SLC24A4: variants seen among roughly 807,000 people sequenced by gnomAD.
SLC24A4 encodes the protein solute carrier family 24 member 4, also known as sodium/potassium/calcium exchanger 4.
SLC24A4 carries 53 observed loss-of-function variants against 79.0 expected under a neutral mutation model. The observed-to-expected ratio is 0.67, with a 90% CI of 0.54 to 0.84. The LOEUF (loss-of-function observed/expected upper bound fraction) is 0.84, where lower values mean the gene tolerates loss of function less well. Among genes scored for constraint, SLC24A4 ranks in the 40% least tolerant of loss-of-function variants. The pLI, the probability that SLC24A4 is intolerant of heterozygous loss-of-function variation, is 0.00. For synonymous variants in SLC24A4, 323 were observed against 323.8 expected (o/e 1.00, Z 0.03); for missense variants, 731 against 822.0 (o/e 0.89, Z 1.35).
At chr14:92,386,031 G>C (rs1223765057) in intron 2 of SLC24A4, among the ~76,000 whole-genome samples, 1 of 152,218 alleles carries the variant, frequency 6.6e-6, no homozygotes, top group Non-Finnish European at 1.5e-5. Flanking sequence ...CTGGCAGGGA[G>C]CTGGGTCCTG....
chr14:92,370,669 C>A (rs1446683313), intron 2 of SLC24A4, among the ~76,000 whole-genome samples: 1 of 152,032 alleles, frequency 6.6e-6, no homozygotes, highest in Non-Finnish European at 1.5e-5. Context: ...AAAGAGAAGA[C>A]AGGAAAAACT....
intron 2 of SLC24A4, among the ~76,000 whole-genome samples, chr14:92,385,027 T>C (rs1889070999): frequency 6.6e-6 from 1 of 152,184 alleles, no homozygotes; most frequent in Non-Finnish European, 1.5e-5. Flanking sequence ...GAGGAATAAA[T>C]TGGGCAACAT....
chr14:92,468,620 A>C (rs1479581912), intron 12 of SLC24A4, among the ~76,000 whole-genome samples: 5 of 152,266 alleles, frequency 3.3e-5, no homozygotes, highest in African/African-American at 1.2e-4. Flanking sequence ...CAGGCCAATT[A>C]GCTTTTGACA....
At chr14:92,338,476 A>G (rs577672976) in intron 2 of SLC24A4, among the ~76,000 whole-genome samples, 4 of 152,214 alleles carry the variant, frequency 2.6e-5, no homozygotes, top group Non-Finnish European at 5.9e-5. Context: ...TGGTGAAAGC[A>G]TGGTGCTTGG....
chr14:92,483,132 G>A (rs993725012), intron 13 of SLC24A4, among the ~76,000 whole-genome samples: 8 of 152,184 alleles, frequency 5.3e-5, no homozygotes, highest in Non-Finnish European at 1.0e-4. Flanking sequence ...TACAGGCAGA[G>A]CAATATGACA....
intron 2 of SLC24A4, among the ~76,000 whole-genome samples, chr14:92,392,787 C>T (rs1456070672): frequency 6.9e-6 from 1 of 145,954 alleles, no homozygotes; most frequent in Admixed American, 6.7e-5. Flanking sequence ...GCCTCTTCCA[C>T]TGTGTGAGGT....
chr14:92,353,112 T>C lies in SLC24A4; in HGVS notation c.241+27134T>C, dbSNP rs960218572. Among the ~76,000 whole-genome samples the C allele has an allele frequency of 3.3e-5, 5 of 152,310 alleles. No homozygotes were observed. Among genetic ancestry groups the C allele is most frequent in the African/African-American group, 9.6e-5 (4 of 41,572 alleles). ...TCCCACAGCTGCCCAAACCCCCTCC[T>C]CAAAGGCAACCCTTTAGCAGTTTGT... On this transcript the variant is annotated intron_variant, in intron 2 of 16. Coordinates refer to ENST00000532405, the MANE Select transcript of SLC24A4 (RefSeq NM_153646.4). The surrounding 1 kb of genome is among the most constrained non-coding windows in gnomAD (Gnocchi z 4.1).
At chr14:92,412,619 T>C (rs993487204) in intron 2 of SLC24A4, among the ~76,000 whole-genome samples, 12 of 152,050 alleles carry the variant, frequency 7.9e-5, no homozygotes, top group African/African-American at 2.7e-4. Context: ...CTCATCCCCC[T>C]CGCTGGAGAC....
At chr14:92,373,211 C>CATTT (rs1555363201) in intron 2 of SLC24A4, among the ~76,000 whole-genome samples, 1 of 149,308 alleles carries the variant, frequency 6.7e-6, no homozygotes, top group Non-Finnish European at 1.5e-5. Flanking sequence ...CACACACACA[C>CATTT]ATATATATAT....
At chr14:92,458,679 T>C (rs1417234787) in intron 12 of SLC24A4, among the ~76,000 whole-genome samples, 1 of 152,156 alleles carries the variant, frequency 6.6e-6, no homozygotes, top group East Asian at 1.9e-4. Context: ...ACGGGCCCTG[T>C]ATTCACAGAA....
At chr14:92,402,902 C>A (rs1455054502) in intron 2 of SLC24A4, among the ~76,000 whole-genome samples, 2 of 152,180 alleles carry the variant, frequency 1.3e-5, no homozygotes, top group Non-Finnish European at 2.9e-5. Context: ...CACATCCCAA[C>A]AGAAGCAGAG....
intron 11 of SLC24A4, 26 bp from the exon 12 acceptor site, chr14:92,456,378 G>T: frequency 1.2e-6 from 2 of 1,613,052 alleles, no homozygotes; most frequent in Non-Finnish European, 1.7e-6. Flanking sequence ...ATGCCTTGGT[G>T]TCCATGTTGC....
At chr14:92,324,386 A>G (rs1186141407) in intron 1 of SLC24A4, among the ~76,000 whole-genome samples, 1 of 152,186 alleles carries the variant, frequency 6.6e-6, no homozygotes, top group African/African-American at 2.4e-5. Context: ...CCTGGTTCAA[A>G]GGGGTCCCCT....
At chr14:92,431,833 G>A (rs1026101873) in intron 2 of SLC24A4, among the ~76,000 whole-genome samples, 4 of 152,192 alleles carry the variant, frequency 2.6e-5, no homozygotes, top group Admixed American at 6.5e-5. Context: ...AAGCTCATGC[G>A]TAGTCGAGCT....
At chr14:92,416,122 G>GGT (rs34411259) in intron 2 of SLC24A4, among the ~76,000 whole-genome samples, 33,213 of 147,724 alleles carry the variant, frequency 0.22, 4,243 homozygotes, top group East Asian at 0.5. Flanking sequence ...TTGTGTGTGT[G>GGT]GTGTGTGTGT....
chr14:92,410,957 A>G (rs1890676474), intron 2 of SLC24A4, among the ~76,000 whole-genome samples: 1 of 152,230 alleles, frequency 6.6e-6, no homozygotes, highest in South Asian at 2.1e-4. Context: ...TGCCTGATGC[A>G]TATACCCGTG....
At position 92,474,861 on chromosome 14, in the gene SLC24A4, A is replaced by ATT. The variant is rs1226459079; in HGVS notation, c.1256-7818_1256-7817insTT. Among the ~76,000 whole-genome samples the ATT allele has an allele frequency of 5.2e-4, 33 of 63,200 alleles. 2 individuals are homozygous for ATT. Among genetic ancestry groups the ATT allele is most frequent in the Admixed American group, 5.1e-4 (3 of 5,828 alleles). The allele number at this position is 63,200 out of a possible 152,430, so 41.5% of individuals were successfully genotyped here. On this transcript the variant is annotated intron_variant, in intron 12 of 16. Transcript: ENST00000532405. ...TGTGTGTGTATATATATATATATAT[A>ATT]TATTTTTTTTTTTTTTAGTAGACAC... is the stretch of plus-strand genomic sequence containing the variant.
rs1254898626 is a variant in SLC24A4, at chr14:92,495,597, C to T, written c.*1969C>T. 6.6e-6 allele frequency: 1 copy of T among 152,170 alleles called. No individual in the cohort carries two copies. Among genetic ancestry groups the T allele is most frequent in the East Asian group, 1.9e-4 (1 of 5,198 alleles). 9.4% of individuals were successfully genotyped at this position (152,170 alleles called of 1,614,324 possible). Reference sequence around the variant, plus strand: ...CCGATCTTACAGGCTCATCCAGGTTCCAAAGTGCTTCTGTCTCTGTTTTGA... The same window carrying T: ...CCGATCTTACAGGCTCATCCAGGTTTCAAAGTGCTTCTGTCTCTGTTTTGA... On this transcript the variant is annotated 3_prime_UTR_variant, in exon 17 of 17. Transcript: ENST00000532405.
chr14:92,387,114 G>A (rs1307427699), intron 2 of SLC24A4, among the ~76,000 whole-genome samples: 1 of 151,898 alleles, frequency 6.6e-6, no homozygotes, highest in African/African-American at 2.4e-5. Context: ...GTAGGGGTGG[G>A]GTGGGGGTTC....
Sources: allele counts gnomAD v4.1 joint callset (sites outside exome capture counted in the v4.1 genomes callset), GRCh38; gene constraint gnomAD v4.1.1; non-coding constraint Gnocchi (gnomAD v3.1); transcripts MANE v1.5; gene names NCBI Gene and HGNC (gene_info 2026-07-23, HGNC 2026-07-21).